The following IMMP2L variants were observed in gnomAD, a reference collection of about 807,000 sequenced individuals.
IMMP2L encodes the protein inner mitochondrial membrane peptidase subunit 2.
IMMP2L carries 18 observed loss-of-function variants against 19.3 expected under a neutral mutation model. The ratio of observed to expected loss-of-function variants is 0.93; its 90% CI spans 0.64 to 1.38. IMMP2L has a LOEUF of 1.38. Among genes scored for constraint, IMMP2L ranks in the 40% most tolerant of loss-of-function variants. The pLI is 0.00. For synonymous variants in IMMP2L, 76 were observed against 73.0 expected (o/e 1.04, Z -0.21); for missense variants, 233 against 218.2 (o/e 1.07, Z -0.43).
rs139797833 is a variant in IMMP2L, at chr7:111,084,354, G to A, written c.240-120789C>T. ...AAGAAGAAAGCCAGTTTAGGGGAGC[G>A]CTTAAGAGGTCAGCTTTAGACACGT... is the stretch of plus-strand genomic sequence containing the variant. On this transcript the variant is annotated intron_variant, in intron 3 of 5. Transcript: ENST00000405709. Among the ~76,000 whole-genome samples the A allele has an allele frequency of 9.2e-3, 1,390 of 151,266 alleles. 25 individuals carry two copies. The highest frequency in any genetic ancestry group is 0.032 in the African/African-American group (1,329 of 41,260).
chr7:111,473,388 A>G (rs761925700), intron 3 of IMMP2L, among the ~76,000 whole-genome samples: 4 of 152,190 alleles, frequency 2.6e-5, no homozygotes, highest in Non-Finnish European at 4.4e-5. Flanking sequence ...ACAAAAAAAT[A>G]CAAAAGTACA....
intron 2 of IMMP2L, among the ~76,000 whole-genome samples, chr7:111,513,763 G>GTA (rs1310881593): frequency 3.3e-5 from 5 of 152,004 alleles, no homozygotes; most frequent in Admixed American, 1.3e-4. Context: ...GTGGGTTTCT[G>GTA]TATATATATG....
chr7:111,522,906 G>A (rs1233243909), intron 1 of IMMP2L, among the ~76,000 whole-genome samples: 1 of 122,110 alleles, frequency 8.2e-6, no homozygotes, highest in East Asian at 2.0e-4. Context: ...ATGGATGAAT[G>A]AACTTTAAGA....
chr7:111,496,190 T>C (rs1843575314), intron 2 of IMMP2L, among the ~76,000 whole-genome samples: 2 of 152,144 alleles, frequency 1.3e-5, no homozygotes, highest in Non-Finnish European at 2.9e-5. Flanking sequence ...CAATGCCGTC[T>C]TTCTTCCCTT....
intron 3 of IMMP2L, among the ~76,000 whole-genome samples, chr7:111,261,006 G>A (rs1356793355): frequency 6.6e-6 from 1 of 152,082 alleles, no homozygotes; most frequent in East Asian, 1.9e-4. Flanking sequence ...GAAAATTCCA[G>A]GAAGCCAAGC....
intron 3 of IMMP2L, among the ~76,000 whole-genome samples, chr7:111,329,312 A>C (rs1326676976): frequency 6.6e-6 from 1 of 151,818 alleles, no homozygotes; most frequent in East Asian, 1.9e-4. Flanking sequence ...TACACACCCT[A>C]TCTCAACATA....
chr7:110,749,926 TAA>T (rs1413432464), intron 5 of IMMP2L, among the ~76,000 whole-genome samples: 1 of 151,992 alleles, frequency 6.6e-6, no homozygotes, highest in African/African-American at 2.4e-5. Flanking sequence ...GCCATTATGT[TAA>T]ACTTCAGATT....
intron 5 of IMMP2L, among the ~76,000 whole-genome samples, chr7:110,746,312 C>T (rs1308668222): frequency 2.0e-5 from 3 of 152,062 alleles, no homozygotes; most frequent in Non-Finnish European, 4.4e-5. Flanking sequence ...TAGTGGGAGA[C>T]TTTAATACCC....
chr7:111,502,611 A>C (rs2132459460), intron 2 of IMMP2L, among the ~76,000 whole-genome samples: 1 of 152,254 alleles, frequency 6.6e-6, no homozygotes, highest in African/African-American at 2.4e-5. Flanking sequence ...AGAAATTATA[A>C]CAAACTATCT....
intron 3 of IMMP2L, among the ~76,000 whole-genome samples, chr7:111,373,889 A>G (rs1584850371): frequency 1.3e-5 from 2 of 152,216 alleles, no homozygotes; most frequent in Admixed American, 1.3e-4. Flanking sequence ...CATATTTGAC[A>G]AGAATGGCTT....
intron 3 of IMMP2L, among the ~76,000 whole-genome samples, chr7:111,218,342 T>C (rs1415415250): frequency 1.3e-5 from 2 of 152,136 alleles, no homozygotes; most frequent in African/African-American, 4.8e-5. Flanking sequence ...AATTAATGTC[T>C]TCCTCCTGAA....
In IMMP2L at chr7:110,896,646, T is replaced by TAA. The variant is rs1487221687; in HGVS notation, c.306-9952_306-9951insTT. Among the ~76,000 whole-genome samples the TAA allele has an allele frequency of 4.0e-5, 6 of 150,146 alleles. 1 individual carries two copies. The highest frequency in any genetic ancestry group is 1.3e-4 in the Admixed American group (2 of 15,048). On this transcript the variant is annotated intron_variant, in intron 4 of 5. Coordinates refer to ENST00000405709, the MANE Select transcript of IMMP2L (RefSeq NM_032549.4). ...TTTTTAATTTCAAAATACTGAGGTA[T>TAA]TTTCGTATGTTATTTTACATATAAT...
At chr7:110,705,954 C>T (rs116016407) in intron 5 of IMMP2L, among the ~76,000 whole-genome samples, 1 of 152,038 alleles carries the variant, frequency 6.6e-6, no homozygotes, top group Non-Finnish European at 1.5e-5. Flanking sequence ...TTTCTTTATC[C>T]TATGCATCAT....
chr7:111,258,714 C>T (rs1020135910), intron 3 of IMMP2L, among the ~76,000 whole-genome samples: 11 of 151,934 alleles, frequency 7.2e-5, no homozygotes, highest in African/African-American at 2.2e-4. Flanking sequence ...CCATGTTGGC[C>T]AGGCTGGTCT....
chr7:111,470,582 A>G (rs1159127637), intron 3 of IMMP2L, among the ~76,000 whole-genome samples: 1 of 151,690 alleles, frequency 6.6e-6, no homozygotes, highest in Non-Finnish European at 1.5e-5. Context: ...AGGGACATGG[A>G]TGAAATTGGA....
chr7:110,913,264 A>G (rs186657826), intron 4 of IMMP2L, among the ~76,000 whole-genome samples: 2 of 152,224 alleles, frequency 1.3e-5, no homozygotes, highest in Non-Finnish European at 2.9e-5. Flanking sequence ...AAAATATGAC[A>G]ATGAGATTTG....
At chr7:111,281,154 GACAGAA>G (rs1819705145) in intron 3 of IMMP2L, among the ~76,000 whole-genome samples, 3 of 38,746 alleles carry the variant, frequency 7.7e-5, no homozygotes, top group Non-Finnish European at 1.4e-4. Context: ...AAGACAGAAA[GACAGAA>G]AGAAAGAAAG....
chr7:111,478,815 T>C (rs556296896), intron 3 of IMMP2L, among the ~76,000 whole-genome samples: 2 of 152,288 alleles, frequency 1.3e-5, no homozygotes, highest in Admixed American at 1.3e-4. Context: ...TTATATTGTT[T>C]TTCTTGGTCC....
chr7:110,752,563 T>A (rs1317847828), intron 5 of IMMP2L, among the ~76,000 whole-genome samples: 1 of 152,062 alleles, frequency 6.6e-6, no homozygotes, highest in Non-Finnish European at 1.5e-5. Context: ...AAGTCTAGTA[T>A]TCCAGGGTCT....
Sources: allele counts gnomAD v4.1 joint callset (sites outside exome capture counted in the v4.1 genomes callset), GRCh38; gene constraint gnomAD v4.1.1; transcripts MANE v1.5; gene names NCBI Gene and HGNC (gene_info 2026-07-23, HGNC 2026-07-21).